The following NPC1L1 variants were observed in gnomAD, a reference collection of about 807,000 sequenced individuals.
NPC1L1 encodes NPC1-like intracellular cholesterol transporter 1.
NPC1L1 carries 98 observed loss-of-function variants against 117.0 expected under a neutral mutation model. The observed-to-expected ratio is 0.84, with a 90% CI of 0.71 to 0.99. The LOEUF (loss-of-function observed/expected upper bound fraction) is 0.99, where lower values mean the gene tolerates loss of function less well. NPC1L1 is among the 50% of genes least tolerant of loss of function. The pLI is 0.00. For missense variants in NPC1L1, 1,540 were observed against 1,710.0 expected (o/e 0.90, Z 1.75); for synonymous variants, 729 against 727.6 (o/e 1.00, Z -0.03).
chr7:44,513,783 C>G, intron 18 of NPC1L1, 134 bp from the exon 19 acceptor site: 2 of 944,644 alleles, frequency 2.1e-6, no homozygotes, highest in Admixed American at 4.0e-5. Context: ...CTTCCAGGGT[C>G]ACTATGTTCA....
rs780396422 is a variant in NPC1L1 at position 44,536,391 on chromosome 7, C to T, written c.1719G>A (p.Thr573=). ...CGGCAGGGTAATTGTTGAGGGAGAA[C>T]GTCATGATCAGGGCCTCTGCCTCAG... is the stretch of plus-strand genomic sequence containing the variant. ...DYSEAEALIM[T]FSLNNYPAGD... The change falls in exon 4 of 19, where the codon ACG becomes ACA. Residue 573 remains threonine (T), a synonymous_variant. Transcript: ENST00000381160. This position sits in a 1 kb window ranked among gnomAD's most constrained non-coding sequence, Gnocchi z 4.7. The T allele has an allele frequency of 1.5e-5, 25 of 1,613,858 alleles. No homozygotes were observed. The Admixed American group carries it at 2.7e-4, about 17-fold the overall frequency.
At chr7:44,514,545 G>A (rs956684813) in intron 18 of NPC1L1, among the ~76,000 whole-genome samples, 20 of 152,064 alleles carry the variant, frequency 1.3e-4, no homozygotes, top group Admixed American at 2.0e-4. Flanking sequence ...GGCATACACC[G>A]ATATCCCAGC....
intron 18 of NPC1L1, 114 bp downstream of exon 18, chr7:44,515,689 G>C (rs994473753): frequency 1.5e-6 from 2 of 1,296,524 alleles, no homozygotes; most frequent in African/African-American, 1.4e-5. Flanking sequence ...CCTGGCTTCT[G>C]ACATCTGCCC....
intron 1 of NPC1L1, 117 bp from the exon 2 acceptor site, chr7:44,540,459 G>A: frequency 1.1e-6 from 1 of 874,240 alleles, no homozygotes; most frequent in East Asian, 2.6e-5. Flanking sequence ...CAGGGAAGCG[G>A]GGAGTGTGGG....
Position 44,523,974 on chromosome 7 carries a change from A to G in NPC1L1, c.2638-1732T>C, listed in dbSNP as rs929704877. ...ACACAGGCAGGCAGCCACTAATGCAACTCCCACCACCGTTGTTGCAACCAC... is the reference window on the plus strand; with the variant it reads ...ACACAGGCAGGCAGCCACTAATGCAGCTCCCACCACCGTTGTTGCAACCAC... On this transcript the variant is annotated intron_variant, in intron 10 of 18. Coordinates refer to ENST00000381160, the MANE Select transcript of NPC1L1 (RefSeq NM_001101648.2). Among the ~76,000 whole-genome samples, 6 of 152,170 alleles carry G rather than the reference A, an allele frequency of 3.9e-5. No individual in the cohort carries two copies. The East Asian group carries it at 1.2e-3, about 29-fold the overall frequency.
At chr7:44,515,246 C>T (rs920295854) in intron 18 of NPC1L1, among the ~76,000 whole-genome samples, 4 of 150,810 alleles carry the variant, frequency 2.7e-5, no homozygotes, top group East Asian at 2.0e-4. Context: ...CCCAGCTACT[C>T]GGGAGGCTGA....
Position 44,539,560 on chromosome 7 carries a change from G to A in NPC1L1, c.837C>T (p.Gly279=), listed in dbSNP as rs547747563. 5 of 1,614,110 alleles carry A rather than the reference G, an allele frequency of 3.1e-6. No homozygotes were observed. The African/African-American group carries it at 6.7e-5, about 22-fold the overall frequency. ...TGAGGACCAGACTGCCCGGCATCTGGCCCAGGTAGAAGGTGGAGTCGAGGG... is the reference window on the plus strand; with the variant it reads ...TGAGGACCAGACTGCCCGGCATCTGACCCAGGTAGAAGGTGGAGTCGAGGG... ...PQALDSTFYL[G]QMPGSLVLII... The change falls in exon 2 of 19, where the codon GGC becomes GGT. Residue 279 remains glycine, a synonymous_variant. Coordinates refer to ENST00000381160, the MANE Select transcript of NPC1L1 (RefSeq NM_001101648.2). This position sits in a 1 kb window ranked among gnomAD's most constrained non-coding sequence, Gnocchi z 4.4.
intron 11 of NPC1L1, 72 bp from the exon 12 acceptor site, chr7:44,521,908 C>A: frequency 6.2e-7 from 1 of 1,608,072 alleles, no homozygotes; most frequent in Non-Finnish European, 8.5e-7. Context: ...GTGGCCCAAC[C>A]CCCACGCAGC....
At position 44,516,183 on chromosome 7, in the gene NPC1L1, A is replaced by G. The variant is rs1801180668; in HGVS notation, c.3534T>C (p.Ser1178=). 2 of 1,607,496 alleles carry G rather than the reference A, an allele frequency of 1.2e-6. No individual in the cohort carries two copies. Among genetic ancestry groups the G allele is most frequent in the Non-Finnish European group, 1.7e-6 (2 of 1,176,898 alleles). Residue 1178 remains serine, a synonymous_variant, in exon 17 of 19, where the codon TCT becomes TCC. Transcript: ENST00000381160. The part of the protein sequence containing the change: ...LINLVSAVGM[S]VEFVSHITRS... Reference sequence around the variant, plus strand: ...GGGTAATGTGGGACACAAACTCCACAGACATGCCCACCGCCTATGGGCAGA... The same window carrying G: ...GGGTAATGTGGGACACAAACTCCACGGACATGCCCACCGCCTATGGGCAGA...
At chr7:44,522,342 C>A (rs775088434) in intron 10 of NPC1L1, 100 bp from the exon 11 acceptor site, 3 of 1,124,174 alleles carry the variant, frequency 2.7e-6, no homozygotes, top group Non-Finnish European at 3.9e-6. Flanking sequence ...GAGGTACATG[C>A]TAAAAGGCAC....
At chr7:44,532,679 C>CT (rs534757701) in intron 8 of NPC1L1, among the ~76,000 whole-genome samples, 219 of 152,310 alleles carry the variant, frequency 1.4e-3, no homozygotes, top group South Asian at 0.013. Context: ...CTAACATTTT[C>CT]TTTTTTCTTG....
chr7:44,514,182 C>T (rs946752481), intron 18 of NPC1L1, among the ~76,000 whole-genome samples: 1 of 152,188 alleles, frequency 6.6e-6, no homozygotes, highest in Non-Finnish European at 1.5e-5. Context: ...CACAAACACA[C>T]CCCTCTATAA....
In NPC1L1 at chr7:44,535,974, GAC is replaced by G; in HGVS notation, c.1855-8_1855-7del. On this transcript the variant is annotated splice_region_variant and splice_polypyrimidine_tract_variant and intron_variant, in intron 4 of 18. Coordinates refer to ENST00000381160, the MANE Select transcript of NPC1L1 (RefSeq NM_001101648.2). ...ATCTCGTCTTCCAGAGAGCGCTGTGGACACACACCCGACCAGCCCCCACTGAC... is the reference window on the plus strand; with the variant it reads ...ATCTCGTCTTCCAGAGAGCGCTGTGGACACACCCGACCAGCCCCCACTGAC... 1 of 1,612,904 alleles carries G rather than the reference GAC, an allele frequency of 6.2e-7. No individual in the cohort carries two copies. The highest frequency in any genetic ancestry group is 2.2e-5 in the East Asian group (1 of 44,888).
At chr7:44,516,638 T>G in intron 16 of NPC1L1, 65 bp downstream of exon 16, 2 of 1,269,650 alleles carry the variant, frequency 1.6e-6, no homozygotes, top group Non-Finnish European at 2.3e-6. Flanking sequence ...CTAGGAGTAT[T>G]CTATGAGGCT....
At position 44,531,797 on chromosome 7, in the gene NPC1L1, G is replaced by A. The variant is rs1012649893; in HGVS notation, c.2595C>T (p.Cys865=). The A allele has an allele frequency of 6.3e-6, 10 of 1,589,614 alleles. No individual in the cohort carries two copies. The South Asian group carries it at 1.0e-4, about 16-fold the overall frequency. Reference sequence around the variant, plus strand: ...CCTGGTCCAGTCCCACGCTGATGTGGCACATGGAGTAGAGGCTCACTCCGA... The same window carrying A: ...CCTGGTCCAGTCCCACGCTGATGTGACACATGGAGTAGAGGCTCACTCCGA... ...ALFGVSLYSM[C]HISVGLDQEL... The change falls in exon 10 of 19, where the codon TGC becomes TGT. Residue 865 remains cysteine (C), a synonymous_variant. Coordinates refer to ENST00000381160, the MANE Select transcript of NPC1L1 (RefSeq NM_001101648.2).
intron 10 of NPC1L1, among the ~76,000 whole-genome samples, 174 bp downstream of exon 10, chr7:44,531,581 T>C (rs1037939418): frequency 1.3e-5 from 2 of 152,178 alleles, no homozygotes; most frequent in African/African-American, 4.8e-5. Context: ...GTGCTGTTCA[T>C]ACACGAATGT....
In NPC1L1 at chr7:44,521,810, G is replaced by T. The variant is rs1801364122; in HGVS notation, c.2855C>A (p.Ser952Tyr). 6.2e-7 allele frequency: 1 copy of T among 1,614,172 alleles called. No individual in the cohort carries two copies. Among genetic ancestry groups the T allele is most frequent in the East Asian group, 2.2e-5 (1 of 44,866 alleles). ...EQSYLAIPAS[S>Y]WVDDFIDWLT... is the part of the protein sequence containing the mutation. ...CCAGTCAATGAAGTCATCCACCCAGGAGGAGGCAGGGATGGCCAGGTAAGA... is the reference window on the plus strand; with the variant it reads ...CCAGTCAATGAAGTCATCCACCCAGTAGGAGGCAGGGATGGCCAGGTAAGA... The change falls in exon 12 of 19, where the codon TCC becomes TAC. Residue 952 changes from serine to tyrosine, a missense_variant. Coordinates refer to ENST00000381160, the MANE Select transcript of NPC1L1 (RefSeq NM_001101648.2).
In NPC1L1 at chr7:44,522,179, A is replaced by T. The variant is rs1187170081; in HGVS notation, c.2701T>A (p.Tyr901Asn). 1 of 1,613,992 alleles carries T rather than the reference A, an allele frequency of 6.2e-7. No individual in the cohort carries two copies. Among genetic ancestry groups the T allele is most frequent in the Non-Finnish European group, 8.5e-7 (1 of 1,179,932 alleles). Residue 901 changes from tyrosine (Y) to asparagine (N), a missense_variant, in exon 11 of 19, where the codon TAC becomes AAC. Coordinates refer to ENST00000381160, the MANE Select transcript of NPC1L1 (RefSeq NM_001101648.2). ...TTGTAGCCCAAGGTGGTAACAAAGT[A>T]CACCGGGGCCCCCACCTCGAAGTAG... ...NRYFEVGAPV[Y>N]FVTTLGYNFS... is the part of the protein sequence containing the mutation.
chr7:44,536,079 T>C lies in NPC1L1; in HGVS notation c.1855-111A>G. On this transcript the variant is annotated intron_variant, in intron 4 of 18. Coordinates refer to ENST00000381160, the MANE Select transcript of NPC1L1 (RefSeq NM_001101648.2). The surrounding 1 kb of genome is among the most constrained non-coding windows in gnomAD (Gnocchi z 4.7). ...TTGTGTGTTGTGTCATAGGGCCTGA[T>C]GGCCCCCTATAATCGCAGGTGAGGC... is the stretch of plus-strand genomic sequence containing the variant. 3.2e-6 allele frequency: 5 copies of C among 1,559,852 alleles called. No individual in the cohort carries two copies. The highest frequency in any genetic ancestry group is 4.4e-6 in the Non-Finnish European group (5 of 1,134,846).
Sources: allele counts gnomAD v4.1 joint callset (sites outside exome capture counted in the v4.1 genomes callset), GRCh38; gene constraint gnomAD v4.1.1; non-coding constraint Gnocchi (gnomAD v3.1); transcripts MANE v1.5; gene names NCBI Gene and HGNC (gene_info 2026-07-23, HGNC 2026-07-21).